Variants in INPP4B observed in about 807,000 individuals in gnomAD.
INPP4B encodes the protein inositol polyphosphate 4-phosphatase type II.
In INPP4B, 55 loss-of-function variants were observed where a neutral mutation model predicts 122.5. The ratio of observed to expected loss-of-function variants is 0.45; its 90% CI spans 0.36 to 0.56. The LOEUF (loss-of-function observed/expected upper bound fraction) is 0.56, where lower values mean the gene tolerates loss of function less well. Among genes scored for constraint, INPP4B ranks in the 20% least tolerant of loss-of-function variants. INPP4B has a pLI of 0.00. For missense variants in INPP4B, 1,000 were observed against 1,097.7 expected, an observed-to-expected ratio of 0.91 and a Z score of 1.26; for synonymous variants, 403 against 388.7, an observed-to-expected ratio of 1.04 and a Z score of -0.43.
intron 3 of INPP4B, among the ~76,000 whole-genome samples, chr4:142,453,729 C>T (rs1814798669): frequency 6.6e-6 from 1 of 152,110 alleles, no homozygotes; most frequent in Admixed American, 6.6e-5. Context: ...TCAATATATA[C>T]ACAATCACGC....
intron 2 of INPP4B, among the ~76,000 whole-genome samples, chr4:142,576,664 C>G (rs1733919122): frequency 6.6e-6 from 1 of 151,914 alleles, no homozygotes. Flanking sequence ...ACCTTTTAAA[C>G]CAAAAGCACA....
intron 1 of INPP4B, among the ~76,000 whole-genome samples, chr4:142,764,219 C>T (rs1187186587): frequency 3.3e-5 from 5 of 152,052 alleles, no homozygotes; most frequent in African/African-American, 9.7e-5. Flanking sequence ...ATCTGTACTT[C>T]GTAAGTAAAA....
At chr4:142,503,915 C>A (rs1823692851) in intron 2 of INPP4B, among the ~76,000 whole-genome samples, 1 of 151,798 alleles carries the variant, frequency 6.6e-6, no homozygotes, top group South Asian at 2.1e-4. Context: ...TTATTTATTC[C>A]CATCCTTCAC....
At chr4:142,440,880 G>C (rs1452028167) in intron 3 of INPP4B, among the ~76,000 whole-genome samples, 1 of 152,162 alleles carries the variant, frequency 6.6e-6, no homozygotes, top group Non-Finnish European at 1.5e-5. Flanking sequence ...GGCAAGAGCA[G>C]CTATAATCTA....
chr4:142,342,124 A>G (rs982010484), intron 7 of INPP4B, among the ~76,000 whole-genome samples: 12 of 152,168 alleles, frequency 7.9e-5, no homozygotes, highest in Non-Finnish European at 1.5e-5. Context: ...TAAAATAAAA[A>G]TAATAGAGCC....
intron 2 of INPP4B, among the ~76,000 whole-genome samples, chr4:142,488,260 T>A (rs1821435210): frequency 6.6e-6 from 1 of 152,080 alleles, no homozygotes; most frequent in Non-Finnish European, 1.5e-5. Flanking sequence ...CAAATGCTCA[T>A]AATATAGTAT....
At chr4:142,535,853 T>C (rs989276944) in intron 2 of INPP4B, among the ~76,000 whole-genome samples, 1 of 152,018 alleles carries the variant, frequency 6.6e-6, no homozygotes, top group African/African-American at 2.4e-5. Context: ...CAAATTTACA[T>C]ATGTACTTCT....
At chr4:142,417,980 C>G (rs1330785652) in intron 5 of INPP4B, among the ~76,000 whole-genome samples, 1 of 152,130 alleles carries the variant, frequency 6.6e-6, no homozygotes, top group African/African-American at 2.4e-5. Flanking sequence ...TTGGTTGCTT[C>G]TTTGATGCTG....
intron 2 of INPP4B, among the ~76,000 whole-genome samples, chr4:142,710,523 A>T (rs1762982121): frequency 6.6e-6 from 1 of 152,214 alleles, no homozygotes; most frequent in South Asian, 2.1e-4. Flanking sequence ...CATTTTTTTA[A>T]AAAGATAATA....
rs139681706 is a variant in INPP4B, at chr4:142,578,444, C to T, written c.-190-115718G>A. Among the ~76,000 whole-genome samples the T allele has an allele frequency of 2.6e-3, 392 of 152,004 alleles. 5 individuals are homozygous for T. Among genetic ancestry groups the T allele is most frequent in the African/African-American group, 8.8e-3 (364 of 41,512 alleles). ...AAATTTATCCTCTCATAGTTCTGGA[C>T]GCTAGAAGTCCAAAATCAAGGAGTT... On this transcript the variant is annotated intron_variant, in intron 2 of 25. Transcript: ENST00000262992.
chr4:142,141,847 A>G (rs747466877), intron 18 of INPP4B, among the ~76,000 whole-genome samples: 18 of 152,130 alleles, frequency 1.2e-4, no homozygotes, highest in Non-Finnish European at 2.1e-4. Flanking sequence ...CACAAATTAT[A>G]GCTACAATGT....
intron 2 of INPP4B, chr4:142,514,182 AACAG>A: frequency 6.6e-6 from 1 of 152,356 alleles, no homozygotes; most frequent in East Asian, 1.9e-4. Context: ...AATTGCCTGA[AACAG>A]ACATCTTCAT....
chr4:142,361,498 T>C (rs1378514421), intron 7 of INPP4B, among the ~76,000 whole-genome samples: 1 of 152,026 alleles, frequency 6.6e-6, no homozygotes, highest in African/African-American at 2.4e-5. Context: ...TGTAGTTAGA[T>C]TTAGCTATCA....
intron 2 of INPP4B, among the ~76,000 whole-genome samples, chr4:142,657,370 G>T (rs13119090): frequency 0.65 from 99,512 of 152,038 alleles, 33,744 homozygotes; most frequent in East Asian, 0.81. Context: ...TATTTGACTT[G>T]TCAGCTTCAC....
At chr4:142,713,591 C>T (rs1161358034) in intron 2 of INPP4B, among the ~76,000 whole-genome samples, 7 of 152,142 alleles carry the variant, frequency 4.6e-5, no homozygotes, top group Admixed American at 6.5e-5. Context: ...AGTCACACAG[C>T]GGCACTATTA....
At chr4:142,574,018 T>C (rs1333503344) in intron 2 of INPP4B, among the ~76,000 whole-genome samples, 1 of 152,130 alleles carries the variant, frequency 6.6e-6, no homozygotes, top group Non-Finnish European at 1.5e-5. Flanking sequence ...AATATGATGT[T>C]ATCCATGACA....
Position 142,779,022 on chromosome 4 carries a change from C to T in INPP4B, c.-253-53121G>A, listed in dbSNP as rs372274844. ...GCTGCTAGAGAGTAAGCCAAATTAC[C>T]AGCTTGCATATTTTTATGTAAATGG... On this transcript the variant is annotated intron_variant, in intron 1 of 25. Coordinates refer to ENST00000262992, the MANE Select transcript of INPP4B (RefSeq NM_001101669.3). Among the ~76,000 whole-genome samples the T allele has an allele frequency of 6.9e-4, 105 of 151,944 alleles. No individual in the cohort carries two copies. The Middle Eastern group carries it at 0.017, about 25-fold the overall frequency.
intron 3 of INPP4B, among the ~76,000 whole-genome samples, chr4:142,439,091 G>A (rs1208981890): frequency 1.3e-5 from 2 of 152,158 alleles, no homozygotes; most frequent in African/African-American, 4.8e-5. Flanking sequence ...CTCCATGTCT[G>A]CAGAATACTC....
intron 15 of INPP4B, 21 bp from the exon 16 acceptor site, chr4:142,173,830 A>G (rs1332499513): frequency 1.3e-6 from 2 of 1,597,412 alleles, no homozygotes; most frequent in South Asian, 2.2e-5. Flanking sequence ...AAAGATAAAA[A>G]TAAGTTACAC....
Sources: gnomAD v4.1 joint callset for allele counts (sites outside exome capture counted in the v4.1 genomes callset) on GRCh38, gnomAD v4.1.1 for gene constraint, MANE v1.5 for transcripts, NCBI Gene and HGNC (gene_info 2026-07-23, HGNC 2026-07-21) for gene names.